Variants in NCALD observed in about 807,000 individuals in gnomAD.
NCALD encodes the protein neurocalcin-delta.
In NCALD, 10 loss-of-function variants were observed where a neutral mutation model predicts 18.6. That is an observed-to-expected ratio of 0.54 (90% CI 0.33 to 0.91). NCALD has a LOEUF of 0.91. NCALD is among the 40% of genes least tolerant of loss of function. The pLI, the probability that NCALD is intolerant of heterozygous loss-of-function variation, is 0.03. For synonymous variants in NCALD, 88 were observed against 87.4 expected (o/e 1.01, Z -0.04); for missense variants, 184 against 247.6 (o/e 0.74, Z 1.72).
At chr8:101,814,327 T>C (rs1245085863) in intron 4 of NCALD, among the ~76,000 whole-genome samples, 3 of 152,158 alleles carry the variant, frequency 2.0e-5, no homozygotes, top group Non-Finnish European at 4.4e-5. Flanking sequence ...ATGCCAGGTA[T>C]GGTTTAACAT....
At chr8:101,834,280 G>C (rs187079287) in intron 4 of NCALD, among the ~76,000 whole-genome samples, 1 of 152,212 alleles carries the variant, frequency 6.6e-6, no homozygotes, top group African/African-American at 2.4e-5. Context: ...AAGAGGTGCC[G>C]GTGTCCCCCT....
At chr8:101,861,004 G>A (rs1815518967) in intron 4 of NCALD, among the ~76,000 whole-genome samples, 1 of 152,050 alleles carries the variant, frequency 6.6e-6, no homozygotes, top group Non-Finnish European at 1.5e-5. Flanking sequence ...ATATCTAAAA[G>A]CCAAGGTAAT....
At chr8:101,997,963 TCACTCCAA>T (rs2132011769) in intron 2 of NCALD, among the ~76,000 whole-genome samples, 2 of 152,304 alleles carry the variant, frequency 1.3e-5, no homozygotes, top group African/African-American at 4.8e-5. Flanking sequence ...TAATTACATT[TCACTCCAA>T]CAGAAATAGC....
At position 101,804,226 on chromosome 8, in the gene NCALD, A is replaced by T. The variant is rs1039255853; in HGVS notation, c.-20+82915T>A. Among the ~76,000 whole-genome samples the T allele has an allele frequency of 2.7e-5, 4 of 149,464 alleles. No homozygotes were observed. The Admixed American group carries it at 2.7e-4, about 10-fold the overall frequency. ...TTTTCTAAAAATTAGCAATTTTAGA[A>T]AATAATATTTTATATTCCAATAACC... On this transcript the variant is annotated intron_variant, in intron 4 of 6. Transcript: ENST00000311028.
intron 2 of NCALD, among the ~76,000 whole-genome samples, chr8:101,927,911 G>C (rs1818397948): frequency 6.6e-6 from 1 of 151,950 alleles, no homozygotes; most frequent in Admixed American, 6.5e-5. Flanking sequence ...ATTACTCTCA[G>C]GGAAAACATA....
intron 1 of NCALD, among the ~76,000 whole-genome samples, chr8:101,775,473 C>G (rs987733021): frequency 3.9e-5 from 6 of 152,178 alleles, no homozygotes; most frequent in African/African-American, 1.4e-4. Flanking sequence ...AGCCCCACCT[C>G]TGTAGATTCT....
At chr8:101,776,046 G>A (rs1378993079) in intron 1 of NCALD, among the ~76,000 whole-genome samples, 1 of 152,204 alleles carries the variant, frequency 6.6e-6, no homozygotes, top group African/African-American at 2.4e-5. Context: ...CTCATCAAGT[G>A]AGGAGTGAGA....
At chr8:101,962,836 G>T (rs542964321) in intron 2 of NCALD, among the ~76,000 whole-genome samples, 203 of 152,200 alleles carry the variant, frequency 1.3e-3, no homozygotes, top group Non-Finnish European at 1.8e-3. Flanking sequence ...CCCCATGGGG[G>T]TTTCTGTGAT....
At chr8:102,000,698 C>T (rs952238882) in intron 2 of NCALD, among the ~76,000 whole-genome samples, 1 of 152,228 alleles carries the variant, frequency 6.6e-6, no homozygotes, top group African/African-American at 2.4e-5. Flanking sequence ...AATGATCAGG[C>T]AACAACACTT....
intron 1 of NCALD, among the ~76,000 whole-genome samples, chr8:102,037,913 A>G (rs1822926571): frequency 6.6e-6 from 1 of 152,166 alleles, no homozygotes. Flanking sequence ...AAATAAAAGC[A>G]TTTTACATCA....
chr8:101,832,839 A>G (rs1481880807), intron 4 of NCALD, among the ~76,000 whole-genome samples: 2 of 152,170 alleles, frequency 1.3e-5, no homozygotes, highest in African/African-American at 2.4e-5. Context: ...ATCCAAATAA[A>G]TGGTGACTCA....
chr8:102,062,543 C>T (rs1587002300), intron 1 of NCALD, among the ~76,000 whole-genome samples: 1 of 152,202 alleles, frequency 6.6e-6, no homozygotes, highest in African/African-American at 2.4e-5. Flanking sequence ...GGTGCGGCTA[C>T]CTCATCAATC....
intron 2 of NCALD, among the ~76,000 whole-genome samples, chr8:101,940,497 C>G (rs191742438): frequency 1.3e-5 from 2 of 152,276 alleles, no homozygotes; most frequent in African/African-American, 4.8e-5. Context: ...AGAAATATAC[C>G]AAACAGCACT....
At chr8:101,847,847 G>A (rs1036389155) in intron 4 of NCALD, among the ~76,000 whole-genome samples, 1 of 152,112 alleles carries the variant, frequency 6.6e-6, no homozygotes, top group Admixed American at 6.5e-5. Flanking sequence ...GGAAGAGAGT[G>A]TGGAGTTGAG....
intron 2 of NCALD, among the ~76,000 whole-genome samples, chr8:102,005,631 T>C (rs1024260724): frequency 6.6e-5 from 10 of 152,198 alleles, no homozygotes. Flanking sequence ...CTAACCCAAA[T>C]GTCCAACAAT....
intron 2 of NCALD, among the ~76,000 whole-genome samples, chr8:102,006,090 C>T (rs1373978740): frequency 6.6e-6 from 1 of 151,786 alleles, no homozygotes; most frequent in Non-Finnish European, 1.5e-5. Flanking sequence ...TTTATCCAAA[C>T]CTTACAAGGT....
intron 4 of NCALD, among the ~76,000 whole-genome samples, chr8:101,801,583 A>G (rs1211572887): frequency 6.7e-6 from 1 of 148,992 alleles, no homozygotes; most frequent in Non-Finnish European, 1.5e-5. Flanking sequence ...AAATTAAGCA[A>G]TGCATTTCTC....
intron 1 of NCALD, among the ~76,000 whole-genome samples, chr8:102,081,563 AAAAAAAAAAAAAAC>A (rs1420030654): frequency 0.058 from 6,297 of 108,386 alleles, 386 homozygotes; most frequent in African/African-American, 0.24. Context: ...AAAAAAAAAA[AAAAAAAAAAAAAAC>A]CCCAAAAAAA....
intron 4 of NCALD, among the ~76,000 whole-genome samples, chr8:101,818,223 C>T (rs1032474913): frequency 1.3e-5 from 2 of 152,158 alleles, no homozygotes; most frequent in Admixed American, 6.5e-5. Context: ...AGGCTCTCTT[C>T]TAATCTTTAA....
Sources: gnomAD v4.1 joint callset for allele counts (sites outside exome capture counted in the v4.1 genomes callset) on GRCh38, gnomAD v4.1.1 for gene constraint, MANE v1.5 for transcripts, NCBI Gene and HGNC (gene_info 2026-07-23, HGNC 2026-07-21) for gene names.